SLC9A4: variants seen among roughly 807,000 people sequenced by gnomAD.
SLC9A4 encodes solute carrier family 9 member A4.
In SLC9A4, 63 loss-of-function variants were observed where a neutral mutation model predicts 67.4. That is an observed-to-expected ratio of 0.93 (90% CI 0.76 to 1.15). The LOEUF is 1.15. SLC9A4 is among the 50% of genes most tolerant of loss of function. SLC9A4 has a pLI of 0.00. For synonymous variants in SLC9A4, 393 were observed against 367.2 expected, an observed-to-expected ratio of 1.07 and a Z score of -0.80; for missense variants, 1,089 against 987.7, an observed-to-expected ratio of 1.10 and a Z score of -1.38.
chr2:102,500,640 C>T (rs1279177875), intron 2 of SLC9A4, among the ~76,000 whole-genome samples: 1 of 152,184 alleles, frequency 6.6e-6, no homozygotes, highest in Non-Finnish European at 1.5e-5. Flanking sequence ...GCTCACATTC[C>T]CAAGCCCAGG....
At chr2:102,517,573 C>T (rs1353704214) in intron 8 of SLC9A4, among the ~76,000 whole-genome samples, 2 of 152,106 alleles carry the variant, frequency 1.3e-5, no homozygotes. Context: ...ACTAATTGTA[C>T]ATTTCAAAAT....
intron 4 of SLC9A4, 97 bp from the exon 5 acceptor site, chr2:102,507,982 T>C (rs899526624): frequency 8.8e-6 from 10 of 1,141,642 alleles, no homozygotes; most frequent in East Asian, 2.4e-5. Flanking sequence ...TTAGGCTGCA[T>C]TGTTTGCAGG....
chr2:102,519,473 T>TG (rs1461839464), intron 8 of SLC9A4, among the ~76,000 whole-genome samples: 1 of 152,234 alleles, frequency 6.6e-6, no homozygotes, highest in African/African-American at 2.4e-5. Context: ...ATTTTTTTTC[T>TG]GTTGCATTTA....
chr2:102,480,187 T>C (rs980944240), intron 2 of SLC9A4, among the ~76,000 whole-genome samples: 4 of 152,204 alleles, frequency 2.6e-5, no homozygotes, highest in African/African-American at 4.8e-5. Context: ...TCCTCCTCTA[T>C]GAAAGAGGCA....
chr2:102,511,879 C>T (rs1370790701), intron 6 of SLC9A4, among the ~76,000 whole-genome samples: 1 of 151,382 alleles, frequency 6.6e-6, no homozygotes, highest in Non-Finnish European at 1.5e-5. Flanking sequence ...ATTAATTATC[C>T]TCCGAGTGAT....
intron 2 of SLC9A4, among the ~76,000 whole-genome samples, chr2:102,489,159 A>C (rs944531141): frequency 6.6e-6 from 1 of 152,200 alleles, no homozygotes; most frequent in Non-Finnish European, 1.5e-5. Flanking sequence ...GTGAACTGAC[A>C]CTAGATGGTG....
At chr2:102,484,974 G>A (rs1307109356) in intron 2 of SLC9A4, among the ~76,000 whole-genome samples, 1 of 152,186 alleles carries the variant, frequency 6.6e-6, no homozygotes, top group Non-Finnish European at 1.5e-5. Context: ...GGGAAGTGGA[G>A]CTAAATGTTC....
intron 5 of SLC9A4, 51 bp downstream of exon 5, chr2:102,508,332 T>C: frequency 1.4e-6 from 2 of 1,420,606 alleles, no homozygotes; most frequent in Non-Finnish European, 1.9e-6. Flanking sequence ...CAGGACAATG[T>C]AGTAAATTAG....
intron 6 of SLC9A4, 133 bp downstream of exon 6, chr2:102,509,066 A>G (rs1685106317): frequency 1.3e-6 from 1 of 754,014 alleles, no homozygotes; most frequent in Non-Finnish European, 2.2e-6. Context: ...TAAGTTTCCT[A>G]TGGCTGCTGT....
In SLC9A4 at chr2:102,533,896, T is replaced by A. The variant is rs1331444797; in HGVS notation, c.*1208T>A. 1 of 151,318 alleles carries A rather than the reference T, an allele frequency of 6.6e-6. No individual in the cohort carries two copies. The highest frequency in any genetic ancestry group is 1.5e-5 in the Non-Finnish European group (1 of 67,716). The allele number at this position is 151,318 out of a possible 1,614,324, so 9.4% of individuals were successfully genotyped here. On this transcript the variant is annotated 3_prime_UTR_variant, in exon 12 of 12. Transcript: ENST00000295269. ...ATTTTCTTAATCCAGTCTATCATTG[T>A]TGGACATTTGGGTTGGTTCCAAGTC... is the stretch of plus-strand genomic sequence containing the variant.
At chr2:102,478,338 C>T (rs1490610397) in intron 1 of SLC9A4, among the ~76,000 whole-genome samples, 1 of 152,142 alleles carries the variant, frequency 6.6e-6, no homozygotes, top group African/African-American at 2.4e-5. Flanking sequence ...ACCTGATTTC[C>T]CTCTTCAGTG....
chr2:102,525,061 C>A lies in SLC9A4; in HGVS notation c.1856C>A (p.Thr619Lys), dbSNP rs143165841. 1 of 1,614,090 alleles carries A rather than the reference C, an allele frequency of 6.2e-7. No homozygotes were observed. The highest frequency in any genetic ancestry group is 1.1e-5 in the South Asian group (1 of 91,088). Reference sequence around the variant, plus strand: ...AACAAATACAACCTCAAACCCCAAACAAGTGAGAAGCAGGCTAAAGAGATT... The same window carrying A: ...AACAAATACAACCTCAAACCCCAAAAAAGTGAGAAGCAGGCTAAAGAGATT... ...SYNKYNLKPQTSEKQAKEILI... is the reference protein window; with the variant it reads ...SYNKYNLKPQKSEKQAKEILI... The change falls in exon 10 of 12, where the codon ACA (threonine) becomes AAA (lysine). Residue 619 changes from threonine (T) to lysine (K), a missense_variant. Physicochemically the swap from Thr to Lys is moderately conservative, Grantham distance 78. Coordinates refer to ENST00000295269, the MANE Select transcript of SLC9A4 (RefSeq NM_001011552.4).
intron 1 of SLC9A4, among the ~76,000 whole-genome samples, chr2:102,477,905 T>C (rs1380295845): frequency 4.6e-5 from 7 of 152,230 alleles, no homozygotes; most frequent in Non-Finnish European, 1.5e-5. Context: ...TACCCTTCAT[T>C]ATATACTTAC....
chr2:102,503,745 A>G (rs745960740), intron 3 of SLC9A4, 38 bp downstream of exon 3: 2 of 1,602,890 alleles, frequency 1.2e-6, no homozygotes, highest in African/African-American at 2.7e-5. Context: ...ATAGTAATAG[A>G]AAGAAAGTTT....
intron 2 of SLC9A4, among the ~76,000 whole-genome samples, chr2:102,488,928 T>A (rs778710847): frequency 6.6e-6 from 1 of 152,162 alleles, no homozygotes; most frequent in Non-Finnish European, 1.5e-5. Flanking sequence ...TAATCCTCCA[T>A]CCATCCATCC....
At chr2:102,496,549 T>C (rs1175546401) in intron 2 of SLC9A4, among the ~76,000 whole-genome samples, 2 of 152,348 alleles carry the variant, frequency 1.3e-5, no homozygotes, top group Admixed American at 1.3e-4. Flanking sequence ...ACAGAAGCTA[T>C]GCTTTTGTCT....
At chr2:102,484,063 G>A (rs1379845466) in intron 2 of SLC9A4, among the ~76,000 whole-genome samples, 1 of 151,840 alleles carries the variant, frequency 6.6e-6, no homozygotes, top group Non-Finnish European at 1.5e-5. Flanking sequence ...GAAGACAGGT[G>A]CATCTACTAT....
chr2:102,496,114 T>C (rs1327584329), intron 2 of SLC9A4, among the ~76,000 whole-genome samples: 1 of 152,166 alleles, frequency 6.6e-6, no homozygotes, highest in East Asian at 1.9e-4. Flanking sequence ...ACCTTCACTA[T>C]ACATGCATTT....
chr2:102,498,628 A>G (rs1280053120), intron 2 of SLC9A4, among the ~76,000 whole-genome samples: 1 of 73,110 alleles, frequency 1.4e-5, no homozygotes, highest in Admixed American at 1.5e-4. Context: ...CTCAACTCCA[A>G]CAGTGCAATA....
Sources: gnomAD v4.1 joint callset for allele counts (sites outside exome capture counted in the v4.1 genomes callset) on GRCh38, gnomAD v4.1.1 for gene constraint, MANE v1.5 for transcripts, NCBI Gene and HGNC (gene_info 2026-07-23, HGNC 2026-07-21) for gene names.